The following COL27A1 variants were observed in gnomAD, a reference collection of about 807,000 sequenced individuals.
COL27A1 encodes collagen alpha-1(XXVII) chain.
Under a neutral mutation model 251.3 loss-of-function variants are expected in COL27A1, and 106 were observed. The observed-to-expected ratio is 0.42, with a 90% CI of 0.36 to 0.50. The LOEUF (loss-of-function observed/expected upper bound fraction) is 0.50, where lower values mean the gene tolerates loss of function less well. Ranked by LOEUF, COL27A1 falls within the 20% of genes least tolerant of loss-of-function variation. The probability of loss-of-function intolerance (pLI) is 0.00; values close to 1 mark genes in which losing one functional copy is unlikely to be tolerated. For missense variants in COL27A1, 2,325 were observed against 2,522.8 expected (o/e 0.92, Z 1.68); for synonymous variants, 1,000 against 986.3 (o/e 1.01, Z -0.26).
intron 7 of COL27A1, among the ~76,000 whole-genome samples, chr9:114,203,741 G>A (rs1829733989): frequency 6.6e-6 from 1 of 152,150 alleles, no homozygotes; most frequent in Non-Finnish European, 1.5e-5. Flanking sequence ...GGGCTGATGG[G>A]GGGTGTTGAG....
intron 60 of COL27A1, among the ~76,000 whole-genome samples, chr9:114,309,784 A>T (rs999656472): frequency 6.6e-6 from 1 of 152,180 alleles, no homozygotes; most frequent in African/African-American, 2.4e-5. Context: ...CTCCCACCCT[A>T]GTCAGGCTAA....
At chr9:114,179,832 CTTTTTTTTTTTT>C (rs139712391) in intron 4 of COL27A1, among the ~76,000 whole-genome samples, 91 of 100,178 alleles carry the variant, frequency 9.1e-4, no homozygotes, top group African/African-American at 1.9e-3. Context: ...AGCCTACCAT[CTTTTTTTTTTTT>C]TTTTTTTTTT....
At position 114,169,286 on chromosome 9, in the gene COL27A1, C is replaced by T; in HGVS notation, c.1731C>T (p.Pro577=). ...GCGATCTGACAACCAGGCCTAGCCC[C>T]AGACAGCCCCAGCCCAGTCAGCAGA... is the stretch of plus-strand genomic sequence containing the variant. The part of the protein sequence containing the change: ...PLSDLTTRPS[P]RQPQPSQQTT... The change falls in exon 3 of 61, where the codon CCC becomes CCT. Residue 577 remains proline (P), a synonymous_variant. Coordinates refer to ENST00000356083, the MANE Select transcript of COL27A1 (RefSeq NM_032888.4). The T allele has an allele frequency of 6.2e-7, 1 of 1,612,484 alleles. No individual in the cohort carries two copies.
chr9:114,291,069 G>T lies in COL27A1; in HGVS notation c.4476+152G>T, dbSNP rs1185821176. ...CCTTTCTCCGTCAGCAGTGCTTGGG[G>T]GTCCTGCCCCAAGCTTGAACCAGAA... On this transcript the variant is annotated intron_variant, in intron 48 of 60. Coordinates refer to ENST00000356083, the MANE Select transcript of COL27A1 (RefSeq NM_032888.4). The T allele has an allele frequency of 1.1e-5, 6 of 566,640 alleles. No homozygotes were observed. The African/African-American group carries it at 1.2e-4, about 11-fold the overall frequency. The allele number at this position is 566,640 out of a possible 1,614,324, so 35.1% of individuals were successfully genotyped here.
chr9:114,297,422 T>G lies in COL27A1; in HGVS notation c.4585-2648T>G, dbSNP rs959907603. On this transcript the variant is annotated intron_variant, in intron 49 of 60. Coordinates refer to ENST00000356083, the MANE Select transcript of COL27A1 (RefSeq NM_032888.4). ...TGCCTTATGAATACAGATACAAAAA[T>G]CTTTAATAAAATATTAGAAAACCAA... 2.6e-5 allele frequency among the ~76,000 whole-genome samples: 4 copies of G among 152,078 alleles called. No individual in the cohort carries two copies. The South Asian group carries it at 8.3e-4, about 32-fold the overall frequency.
intron 5 of COL27A1, among the ~76,000 whole-genome samples, chr9:114,187,546 G>A (rs762272717): frequency 6.6e-6 from 1 of 152,226 alleles, no homozygotes; most frequent in East Asian, 1.9e-4. Flanking sequence ...GGCAGAGCAC[G>A]CATTCAAACC....
chr9:114,174,249 A>C (rs537868388), intron 3 of COL27A1, among the ~76,000 whole-genome samples: 1 of 152,166 alleles, frequency 6.6e-6, no homozygotes, highest in Admixed American at 6.5e-5. Flanking sequence ...GAGTTAAAGG[A>C]ACAGACTATT....
At chr9:114,243,017 A>G (rs1016922196) in intron 22 of COL27A1, among the ~76,000 whole-genome samples, 1 of 152,194 alleles carries the variant, frequency 6.6e-6, no homozygotes, top group Non-Finnish European at 1.5e-5. Context: ...ATTGCGCGCC[A>G]TGCAGCCTCG....
Position 114,194,528 on chromosome 9 carries a change from G to C in COL27A1, c.2070+71G>C, listed in dbSNP as rs886461474. 4 of 1,358,542 alleles carry C rather than the reference G, an allele frequency of 2.9e-6. No individual in the cohort carries two copies. In the African/African-American group the frequency reaches 5.8e-5, roughly 20 times the overall value. 84.2% of individuals were successfully genotyped at this position (1,358,542 alleles called of 1,614,324 possible). A position where few individuals can be genotyped will look rare whatever the true frequency, so the allele number is the denominator to read the frequency against. ...GATAGTGAAATTGCCACACTTTAAA[G>C]CTAGCTGTCCTGCCAGAGGCCATGC... On this transcript the variant is annotated intron_variant, in intron 6 of 60. Transcript: ENST00000356083.
intron 25 of COL27A1, among the ~76,000 whole-genome samples, chr9:114,251,169 A>G (rs1588769829): frequency 6.6e-6 from 1 of 152,098 alleles, no homozygotes; most frequent in African/African-American, 2.4e-5. Context: ...ACTCTGCCTC[A>G]TGTTGGCTCC....
At chr9:114,285,081 A>G (rs1460586732) in intron 41 of COL27A1, among the ~76,000 whole-genome samples, 1 of 152,254 alleles carries the variant, frequency 6.6e-6, no homozygotes. Flanking sequence ...TCTTGTAATG[A>G]CTAAAACTGC....
Position 114,306,786 on chromosome 9 carries a change from C to T in COL27A1, c.5107+98C>T, listed in dbSNP as rs969321943. On this transcript the variant is annotated intron_variant, in intron 58 of 60. Coordinates refer to ENST00000356083, the MANE Select transcript of COL27A1 (RefSeq NM_032888.4). The stretch of plus-strand genomic sequence containing the variant: ...CGCCGCATTTTGGCTGAGTTTTTGT[C>T]CTCAGCAAGACAGATACACTGGCAG... 8 of 1,371,002 alleles carry T rather than the reference C, an allele frequency of 5.8e-6. No homozygotes were observed. In the African/African-American group the frequency reaches 1.0e-4, roughly 17 times the overall value. The allele number at this position is 1,371,002 out of a possible 1,614,324, so 84.9% of individuals were successfully genotyped here.
chr9:114,237,865 A>G, intron 19 of COL27A1, 150 bp downstream of exon 19: 2 of 665,806 alleles, frequency 3.0e-6, no homozygotes, highest in Admixed American at 4.8e-5. Flanking sequence ...TAGATCAGCA[A>G]TCATTTATTT....
At chr9:114,167,413 G>A (rs150266552) in intron 2 of COL27A1, among the ~76,000 whole-genome samples, 1 of 152,334 alleles carries the variant, frequency 6.6e-6, no homozygotes, top group East Asian at 1.9e-4. Context: ...GTTAGAGGTA[G>A]GATTTGAACT....
At chr9:114,306,482 A>G (rs777275927) in intron 57 of COL27A1, 38 bp from the exon 58 acceptor site, 87 of 1,608,588 alleles carry the variant, frequency 5.4e-5, no homozygotes, top group Non-Finnish European at 6.7e-5. Context: ...CTGGACCAGG[A>G]CCCTAAGGTC....
chr9:114,156,718 G>A (rs1848144240), intron 1 of COL27A1, among the ~76,000 whole-genome samples: 1 of 152,196 alleles, frequency 6.6e-6, no homozygotes, highest in African/African-American at 2.4e-5. Context: ...CAGGGCCGGA[G>A]AGGGGCAGGG....
At chr9:114,193,922 T>C (rs1270948654) in intron 5 of COL27A1, among the ~76,000 whole-genome samples, 1 of 151,928 alleles carries the variant, frequency 6.6e-6, no homozygotes, top group Admixed American at 6.6e-5. Context: ...ACAAGTAGGA[T>C]GTGAAGGACA....
At chr9:114,219,770 G>A (rs765404323) in intron 12 of COL27A1, 21 bp from the exon 13 acceptor site, 3 of 1,584,408 alleles carry the variant, frequency 1.9e-6, no homozygotes, top group Non-Finnish European at 2.6e-6. Context: ...ACAGATGTTT[G>A]TTCTCTCTCA....
chr9:114,206,932 G>C (rs1048313138), intron 10 of COL27A1, among the ~76,000 whole-genome samples: 8 of 152,266 alleles, frequency 5.3e-5, no homozygotes, highest in African/African-American at 1.9e-4. Flanking sequence ...TGGGAAGACA[G>C]AGAGGGTTCT....
Sources: allele counts gnomAD v4.1 joint callset (sites outside exome capture counted in the v4.1 genomes callset), GRCh38; gene constraint gnomAD v4.1.1; transcripts MANE v1.5; gene names NCBI Gene and HGNC (gene_info 2026-07-23, HGNC 2026-07-21).